The following SPIN2A variants were observed in gnomAD, a reference collection of about 807,000 sequenced individuals.
SPIN2A encodes the protein spindlin-2A.
Under a neutral mutation model 9.2 loss-of-function variants are expected in SPIN2A, and 4 were observed. The ratio of observed to expected loss-of-function variants is 0.44; its 90% confidence interval spans 0.21 to 1.00. The LOEUF (loss-of-function observed/expected upper bound fraction) is 1.00. SPIN2A is among the 50% of genes least tolerant of loss of function. The pLI is 0.26. For missense variants in SPIN2A, 77 were observed against 172.8 expected (o/e 0.45, Z 3.11); for synonymous variants, 25 against 61.2 (o/e 0.41, Z 2.76).
the SPIN2A span, among the ~76,000 whole-genome samples, chrX:57,144,082 G>A: frequency 8.9e-6 from 1 of 111,902 alleles, no homozygotes; most frequent in African/African-American, 3.2e-5. Flanking sequence ...AACTTTGCTG[G>A]CAGTATTCTC....
the SPIN2A span, among the ~76,000 whole-genome samples, chrX:57,144,214 T>G: frequency 9.0e-6 from 1 of 111,702 alleles, no homozygotes; most frequent in Non-Finnish European, 1.9e-5. Flanking sequence ...TTATTTGGTT[T>G]TTTCTTTTGC....
upstream of SPIN2A, among the ~76,000 whole-genome samples, chrX:57,141,375 G>A (rs1245160357): frequency 2.7e-5 from 3 of 111,868 alleles, no homozygotes; most frequent in East Asian, 2.8e-4. Flanking sequence ...ATATTTATTG[G>A]TAATATTGGC....
At chrX:57,137,447 G>T, upstream of SPIN2A, 1 of 617,823 alleles carries the variant, frequency 1.6e-6, no homozygotes, top group Non-Finnish European at 1.9e-6. Context: ...CTACCTCCCT[G>T]TTGGTGGCGG....
upstream of SPIN2A, among the ~76,000 whole-genome samples, chrX:57,141,984 CATTTT>C (rs1188145003): frequency 2.7e-5 from 3 of 110,171 alleles, no homozygotes; most frequent in Non-Finnish European, 5.7e-5. Flanking sequence ...TTTCATCTGT[CATTTT>C]ATTTATTTGA....
upstream of SPIN2A, among the ~76,000 whole-genome samples, chrX:57,141,508 A>G (rs1928002089): frequency 8.9e-6 from 1 of 111,754 alleles, no homozygotes; most frequent in Admixed American, 9.5e-5. Context: ...TAGGATTTGT[A>G]TTAGTTCTTC....
upstream of SPIN2A, among the ~76,000 whole-genome samples, chrX:57,140,629 C>G (rs1377705778): frequency 9.4e-6 from 1 of 106,743 alleles, no homozygotes; most frequent in Non-Finnish European, 1.9e-5. Context: ...GTGGTAAAAG[C>G]ACCATGGAAT....
At chrX:57,134,532 C>G (rs1460890446), downstream of SPIN2A, 3 of 111,429 alleles carry the variant, frequency 2.7e-5, no homozygotes, top group African/African-American at 6.5e-5. Flanking sequence ...CCCATACCCT[C>G]GAGAGAAACA....
upstream of SPIN2A, among the ~76,000 whole-genome samples, chrX:57,138,024 C>T (rs745676152): frequency 2.0e-4 from 22 of 111,821 alleles, no homozygotes; most frequent in Non-Finnish European, 4.1e-4. Context: ...TATGCATACA[C>T]ACTCACGAAT....
upstream of SPIN2A, among the ~76,000 whole-genome samples, chrX:57,141,270 A>G (rs1332029681): frequency 8.9e-6 from 1 of 112,157 alleles, no homozygotes; most frequent in Admixed American, 9.4e-5. Context: ...CCATCATTGC[A>G]TCCCTAAGAT....
At chrX:57,139,753 C>G (rs1042869886), upstream of SPIN2A, among the ~76,000 whole-genome samples, 6 of 111,741 alleles carry the variant, frequency 5.4e-5, no homozygotes, top group Non-Finnish European at 9.4e-5. Flanking sequence ...CACGCCTGTC[C>G]CCATAGGTTT....
At chrX:57,141,616 A>C (rs751590666), upstream of SPIN2A, among the ~76,000 whole-genome samples, 1 of 111,258 alleles carries the variant, frequency 9.0e-6, no homozygotes, top group African/African-American at 3.3e-5. Context: ...ATTACCTATT[A>C]TTGGTCCGTT....
upstream of SPIN2A, among the ~76,000 whole-genome samples, chrX:57,142,165 A>G (rs1179588104): frequency 9.0e-6 from 1 of 111,059 alleles, no homozygotes; most frequent in Non-Finnish European, 1.9e-5. Context: ...ATTTGTTCTT[A>G]ATTTTCTACT....
upstream of SPIN2A, chrX:57,137,673 T>G (rs1927870928): frequency 9.0e-6 from 1 of 111,425 alleles, no homozygotes; most frequent in African/African-American, 3.3e-5. Context: ...AGGTGGCCTT[T>G]TCTCTCTTCC....
upstream of SPIN2A, among the ~76,000 whole-genome samples, chrX:57,139,589 A>G (rs948368530): frequency 9.0e-6 from 1 of 110,626 alleles, no homozygotes; most frequent in Non-Finnish European, 1.9e-5. Context: ...GAGTAGCTGG[A>G]ACCACAGGTG....
downstream of SPIN2A, chrX:57,135,415 A>C: frequency 1.2e-5 from 2 of 160,593 alleles, no homozygotes; most frequent in Non-Finnish European, 2.3e-5. Context: ...GCCCTTTTCC[A>C]CCTCTTCCTA....
At chrX:57,144,968 T>G in the SPIN2A span, among the ~76,000 whole-genome samples, 1 of 111,020 alleles carries the variant, frequency 9.0e-6, no homozygotes, top group African/African-American at 3.3e-5. Flanking sequence ...ATCCACTCAT[T>G]GATTGATGAA....
intron 1 of SPIN2A, 42 bp from the exon 2 acceptor site, chrX:57,136,644 A>G: frequency 2.8e-6 from 1 of 359,564 alleles, no homozygotes; most frequent in Non-Finnish European, 4.8e-6. Flanking sequence ...CCAGTGTGCC[A>G]CAAGGCAAAC....
At position 57,137,329 on chromosome X, in the gene SPIN2A, G is replaced by C; in HGVS notation, c.-75C>G. 15 of 759,078 alleles carry C rather than the reference G, an allele frequency of 2.0e-5. No individual in the cohort carries two copies. The highest frequency in any genetic ancestry group is 2.3e-5 in the Non-Finnish European group (15 of 641,787). The allele number at this position is 759,078 out of a possible 1,213,427, so 62.6% of individuals were successfully genotyped here. ...CAGGCGACTCGCTGAGTGACTGCTT[G>C]CAAGAGCGGGGAGGGTAGGATCCAT... On this transcript the variant is annotated 5_prime_UTR_variant, in exon 1 of 2. Transcript: ENST00000374906.
At chrX:57,142,453 G>T (rs1403206197), upstream of SPIN2A, among the ~76,000 whole-genome samples, 1 of 111,782 alleles carries the variant, frequency 8.9e-6, no homozygotes, top group Admixed American at 9.5e-5. Context: ...TTATTCCATT[G>T]TAGTTAGAAA....
Sources: gnomAD v4.1 joint callset for allele counts (sites outside exome capture counted in the v4.1 genomes callset) on GRCh38, gnomAD v4.1.1 for gene constraint, MANE v1.5 for transcripts, NCBI Gene and HGNC (gene_info 2026-07-23, HGNC 2026-07-21) for gene names.